TTC38: variants seen among roughly 807,000 people sequenced by gnomAD.
TTC38 encodes tetratricopeptide repeat domain 38, also known as tetratricopeptide repeat protein 38.
Under a neutral mutation model 64.2 loss-of-function variants are expected in TTC38, and 64 were observed. The ratio of observed to expected loss-of-function variants is 1.00; its 90% CI spans 0.81 to 1.23. TTC38 has a LOEUF of 1.23. Among genes scored for constraint, TTC38 ranks in the 50% most tolerant of loss-of-function variants. The pLI, the probability that TTC38 is intolerant of heterozygous loss-of-function variation, is 0.00. For synonymous variants in TTC38, 254 were observed against 249.3 expected, an observed-to-expected ratio of 1.02 and a Z score of -0.18; for missense variants, 573 against 615.5, an observed-to-expected ratio of 0.93 and a Z score of 0.73.
At chr22:46,278,505 C>T (rs2077509569) in intron 5 of TTC38, 81 bp from the exon 6 acceptor site, 1 of 1,190,650 alleles carries the variant, frequency 8.4e-7, no homozygotes, top group African/African-American at 1.5e-5. Context: ...GTTAGGACCT[C>T]AGTGTATCTT....
At chr22:46,277,419 A>T (rs1400483717) in intron 5 of TTC38, among the ~76,000 whole-genome samples, 1 of 152,118 alleles carries the variant, frequency 6.6e-6, no homozygotes, top group African/African-American at 2.4e-5. Context: ...AGCCTGGCCA[A>T]CATGGTGAAA....
chr22:46,268,308 A>T (rs1936807996), intron 1 of TTC38, among the ~76,000 whole-genome samples: 1 of 152,168 alleles, frequency 6.6e-6, no homozygotes, highest in African/African-American at 2.4e-5. Flanking sequence ...AGACCTCCTA[A>T]AAAACGTAGC....
chr22:46,277,237 C>G (rs573945706), intron 5 of TTC38, among the ~76,000 whole-genome samples: 1 of 152,078 alleles, frequency 6.6e-6, no homozygotes, highest in Non-Finnish European at 1.5e-5. Context: ...CACTTAACCC[C>G]GAGAAACCAC....
rs756869794 is a variant in TTC38, at chr22:46,275,262, C to G, written c.380C>G (p.Ala127Gly). ...ETFANGNFPK[A>G]CELWEQILQD... ...TCGGTTTCCAGGAACTTTCCGAAAG[C>G]CTGTGAACTATGGGAACAGATTCTC... The change falls in exon 5 of 14, where the codon GCC becomes GGC. Residue 127 changes from alanine to glycine, a missense_variant. Ala to Gly is a moderately conservative substitution (Grantham distance 60, BLOSUM62 0). Coordinates refer to ENST00000381031, the MANE Select transcript of TTC38 (RefSeq NM_017931.4). This position sits in a 1 kb window ranked among gnomAD's most constrained non-coding sequence, Gnocchi z 4.5. 32 of 1,613,250 alleles carry G rather than the reference C, an allele frequency of 2.0e-5. No individual in the cohort carries two copies. The highest frequency in any genetic ancestry group is 1.8e-5 in the Non-Finnish European group (21 of 1,179,832).
At position 46,289,511 on chromosome 22, in the gene TTC38, C is replaced by T. The variant is rs2077597210; in HGVS notation, c.1192C>T (p.Leu398Phe). The change falls in exon 12 of 14, where the codon CTC becomes TTC. Residue 398 changes from leucine (L) to phenylalanine (F), a missense_variant. Around this residue, in one of 3 missense-constraint regions of TTC38, gnomAD observed 371 missense variants for 381.8 expected, o/e 0.97. Coordinates refer to ENST00000381031, the MANE Select transcript of TTC38 (RefSeq NM_017931.4). ...DGNPDRVLEL[L>F]LPIRYRIVQL... ...GAACCCTGACCGCGTCCTGGAGCTG[C>T]TCCTGCCCATCCGCTACCGGATCGT... 2 of 1,607,494 alleles carry T rather than the reference C, an allele frequency of 1.2e-6. No individual in the cohort carries two copies. Among genetic ancestry groups the T allele is most frequent in the Non-Finnish European group, 1.7e-6 (2 of 1,178,986 alleles).
chr22:46,281,791 G>A lies in TTC38; in HGVS notation c.735+73G>A. ...CCCTTGAGTCAGGCCAAGGCTTTATGGACAAGAGTTACAGGGCATGGCTTA... is the reference window on the plus strand; with the variant it reads ...CCCTTGAGTCAGGCCAAGGCTTTATAGACAAGAGTTACAGGGCATGGCTTA... On this transcript the variant is annotated intron_variant, in intron 7 of 13. Transcript: ENST00000381031. This position sits in a 1 kb window ranked among gnomAD's most constrained non-coding sequence, Gnocchi z 5.2. 6.3e-7 allele frequency: 1 copy of A among 1,595,482 alleles called. No individual in the cohort carries two copies. The highest frequency in any genetic ancestry group is 8.6e-7 in the Non-Finnish European group (1 of 1,166,948).
In TTC38 at chr22:46,274,751, A is replaced by T. The variant is rs1294330266; in HGVS notation, c.366-497A>T. 1.1e-4 allele frequency among the ~76,000 whole-genome samples: 17 copies of T among 150,028 alleles called. No homozygotes were observed. The East Asian group carries it at 1.2e-3, about 10-fold the overall frequency. On this transcript the variant is annotated intron_variant, in intron 4 of 13. Coordinates refer to ENST00000381031, the MANE Select transcript of TTC38 (RefSeq NM_017931.4). The surrounding 1 kb of genome is among the most constrained non-coding windows in gnomAD (Gnocchi z 4.8). ...GTTAAACCAGTTTTTTTTTTTTTTT[A>T]AATTGAACTAAAGAGTAAAAGTTCC...
At position 46,291,430 on chromosome 22, in the gene TTC38, G is replaced by A. The variant is rs1243379659; in HGVS notation, c.1317-1361G>A. Among the ~76,000 whole-genome samples, 1 of 152,096 alleles carries A rather than the reference G, an allele frequency of 6.6e-6. No individual in the cohort carries two copies. Among genetic ancestry groups the A allele is most frequent in the Admixed American group, 6.5e-5 (1 of 15,270 alleles). Reference sequence around the variant, plus strand: ...CTGCACAGGGAGCCGACTGCATTAGGAGACGTGGAGGGGGCCTTCTCTCCA... The same window carrying A: ...CTGCACAGGGAGCCGACTGCATTAGAAGACGTGGAGGGGGCCTTCTCTCCA... On this transcript the variant is annotated intron_variant, in intron 13 of 13. Coordinates refer to ENST00000381031, the MANE Select transcript of TTC38 (RefSeq NM_017931.4). This position sits in a 1 kb window ranked among gnomAD's most constrained non-coding sequence, Gnocchi z 4.6.
chr22:46,281,500 G>GCCCAGGC lies in TTC38; in HGVS notation c.616-95_616-89dup. ...CCCCCCACTTGCTCCACCCCGTTCA[G>GCCCAGGC]CCCAGGCCCCTCTTGCCCCTTAGAG... On this transcript the variant is annotated intron_variant, in intron 6 of 13. Coordinates refer to ENST00000381031, the MANE Select transcript of TTC38 (RefSeq NM_017931.4). This position sits in a 1 kb window ranked among gnomAD's most constrained non-coding sequence, Gnocchi z 5.2. 1 of 1,318,228 alleles carries GCCCAGGC rather than the reference G, an allele frequency of 7.6e-7. No individual in the cohort carries two copies. Among genetic ancestry groups the GCCCAGGC allele is most frequent in the Non-Finnish European group, 1.1e-6 (1 of 944,302 alleles). 81.7% of individuals were successfully genotyped at this position (1,318,228 alleles called of 1,614,324 possible). A position where few individuals can be genotyped will look rare whatever the true frequency, so the allele number is the denominator to read the frequency against.
intron 9 of TTC38, among the ~76,000 whole-genome samples, chr22:46,286,490 A>G (rs139753641): frequency 0.011 from 1,721 of 152,026 alleles, 38 homozygotes; most frequent in African/African-American, 0.039. Context: ...GTGAAATCCC[A>G]TCTCTACTAA....
chr22:46,288,235 A>G (rs1441091112), intron 10 of TTC38, among the ~76,000 whole-genome samples, 188 bp from the exon 11 acceptor site: 1 of 152,164 alleles, frequency 6.6e-6, no homozygotes, highest in Non-Finnish European at 1.5e-5. Flanking sequence ...GGCCTCTATA[A>G]TTAGACAGTC....
chr22:46,287,091 GC>G lies in TTC38; in HGVS notation c.855del (p.Asn286ThrfsTer52). ...YDTHILPSLQ[A>X]NDAMLDVVDS... ...CTTCCAGATCCTTCCCAGCCTGCAG[GC>G]CAACGATGCAATGCTGGACGTGGTG... On this transcript the variant is annotated frameshift_variant, in exon 10 of 14. Coordinates refer to ENST00000381031, the MANE Select transcript of TTC38 (RefSeq NM_017931.4). LOFTEE classifies it high-confidence loss of function. The G allele has an allele frequency of 6.2e-7, 1 of 1,603,172 alleles. No homozygotes were observed.
chr22:46,279,323 A>T (rs760248507), intron 6 of TTC38, among the ~76,000 whole-genome samples: 1 of 152,200 alleles, frequency 6.6e-6, no homozygotes, highest in Non-Finnish European at 1.5e-5. Context: ...AGGGAGTGAC[A>T]GCTGCTCCTG....
chr22:46,284,681 G>A (rs757873523), intron 8 of TTC38, among the ~76,000 whole-genome samples: 2 of 151,954 alleles, frequency 1.3e-5, no homozygotes, highest in Non-Finnish European at 2.9e-5. Flanking sequence ...GAGTTTGAGA[G>A]CAGCCTGGGC....
intron 10 of TTC38, 101 bp from the exon 11 acceptor site, chr22:46,288,322 G>T: frequency 7.9e-7 from 1 of 1,272,472 alleles, no homozygotes. Flanking sequence ...CTGGGACAGG[G>T]TCATCAAGGC....
rs1425943612 is a variant in TTC38, at chr22:46,275,125, A to G, written c.366-123A>G. The stretch of plus-strand genomic sequence containing the variant: ...CATAAGCCACCGCACCCAGTCAGAA[A>G]CTGATTTTTAAAAAAACACATCCAT... On this transcript the variant is annotated intron_variant, in intron 4 of 13. Coordinates refer to ENST00000381031, the MANE Select transcript of TTC38 (RefSeq NM_017931.4). This position sits in a 1 kb window ranked among gnomAD's most constrained non-coding sequence, Gnocchi z 4.5. 5.2e-6 allele frequency: 5 copies of G among 962,456 alleles called. No individual in the cohort carries two copies. Among genetic ancestry groups the G allele is most frequent in the Non-Finnish European group, 7.7e-6 (5 of 653,042 alleles). The allele number at this position is 962,456 out of a possible 1,614,324, so 59.6% of individuals were successfully genotyped here. A position where few individuals can be genotyped will look rare whatever the true frequency, so the allele number is the denominator to read the frequency against.
In TTC38 at chr22:46,268,516, C is replaced by T. The variant is rs1409479415; in HGVS notation, c.36C>T (p.Ala12=). 1 of 1,614,082 alleles carries T rather than the reference C, an allele frequency of 6.2e-7. No individual in the cohort carries two copies. Among genetic ancestry groups the T allele is most frequent in the Non-Finnish European group, 8.5e-7 (1 of 1,180,026 alleles). ...TATTCCCTTCTTGCCGTCTGTAGGC[C>T]TGGAAGGATGCGAGGCTCCCGCTCT... is the stretch of plus-strand genomic sequence containing the variant. ...AAASPLRDCQ[A]WKDARLPLST... The change falls in exon 2 of 14, where the codon GCC becomes GCT. Residue 12 remains alanine, a splice_region_variant and synonymous_variant. Transcript: ENST00000381031.
At chr22:46,290,472 G>T (rs1160221509) in intron 13 of TTC38, among the ~76,000 whole-genome samples, 1 of 151,884 alleles carries the variant, frequency 6.6e-6, no homozygotes, top group Non-Finnish European at 1.5e-5. Context: ...GCTGGTAGGA[G>T]GGTGGCGTGG....
chr22:46,293,185 G>A lies in TTC38; in HGVS notation c.*301G>A, dbSNP rs991172002. On this transcript the variant is annotated 3_prime_UTR_variant, in exon 14 of 14. Coordinates refer to ENST00000381031, the MANE Select transcript of TTC38 (RefSeq NM_017931.4). This position sits in a 1 kb window ranked among gnomAD's most constrained non-coding sequence, Gnocchi z 6.6. The stretch of plus-strand genomic sequence containing the variant: ...CAGGGGAATGTGTCTACTGCCTGGT[G>A]GTTCAAAGGTTGGAAGGCAGGGCAG... 2 of 357,604 alleles carry A rather than the reference G, an allele frequency of 5.6e-6. No individual in the cohort carries two copies. Among genetic ancestry groups the A allele is most frequent in the African/African-American group, 4.0e-5 (2 of 49,466 alleles). 22.2% of individuals were successfully genotyped at this position (357,604 alleles called of 1,614,324 possible).
Sources: allele counts gnomAD v4.1 joint callset (sites outside exome capture counted in the v4.1 genomes callset), GRCh38; gene constraint gnomAD v4.1.1; regional missense constraint gnomAD v4.1.1; non-coding constraint Gnocchi (gnomAD v3.1); transcripts MANE v1.5; gene names NCBI Gene and HGNC (gene_info 2026-07-23, HGNC 2026-07-21).